The following KDM1B variants were observed in gnomAD, a reference collection of about 807,000 sequenced individuals.
KDM1B encodes lysine demethylase 1B.
Under a neutral mutation model 107.4 loss-of-function variants are expected in KDM1B, and 63 were observed. The observed-to-expected ratio is 0.59, with a 90% CI of 0.48 to 0.72. The LOEUF is 0.72. KDM1B is among the 30% of genes least tolerant of loss of function. The pLI is 0.00. For synonymous variants in KDM1B, 363 were observed against 363.9 expected (o/e 1.00, Z 0.03); for missense variants, 749 against 1,020.8 (o/e 0.73, Z 3.63).
chr6:18,181,970 C>T (rs74918432), intron 7 of KDM1B, among the ~76,000 whole-genome samples: 4,165 of 152,160 alleles, frequency 0.027, 90 homozygotes, highest in Non-Finnish European at 0.037. Flanking sequence ...TGTATTCCCT[C>T]CATTGTTTAC....
intron 21 of KDM1B, among the ~76,000 whole-genome samples, chr6:18,220,570 T>A (rs1291771361): frequency 6.6e-6 from 1 of 152,048 alleles, no homozygotes; most frequent in Non-Finnish European, 1.5e-5. Context: ...GAATGACATC[T>A]AAAAACCAGA....
At chr6:18,189,304 T>A (rs1018522159) in intron 9 of KDM1B, among the ~76,000 whole-genome samples, 3 of 152,172 alleles carry the variant, frequency 2.0e-5, no homozygotes, top group Non-Finnish European at 4.4e-5. Flanking sequence ...AAAGTGGTAA[T>A]TCCCAGGGTT....
intron 7 of KDM1B, among the ~76,000 whole-genome samples, chr6:18,175,497 A>T (rs546274311): frequency 6.6e-6 from 1 of 152,032 alleles, no homozygotes; most frequent in Non-Finnish European, 1.5e-5. Flanking sequence ...CCAGTTATTT[A>T]TCTTTGTTTT....
chr6:18,221,863 A>T, intron 21 of KDM1B, 46 bp from the exon 22 acceptor site: 2 of 1,431,456 alleles, frequency 1.4e-6, no homozygotes, highest in Non-Finnish European at 1.9e-6. Context: ...TTTGATATCA[A>T]CTCAACTCTA....
Position 18,159,936 on chromosome 6 carries a change from T to C in KDM1B, c.41T>C (p.Phe14Ser), listed in dbSNP as rs1278020464. The C allele has an allele frequency of 3.7e-6, 6 of 1,610,620 alleles. No homozygotes were observed. Among genetic ancestry groups the C allele is most frequent in the Non-Finnish European group, 5.1e-6 (6 of 1,178,888 alleles). Residue 14 changes from phenylalanine to serine, a missense_variant, in exon 3 of 22, where the codon TTT becomes TCT. Physicochemically the swap from Phe to Ser is radical, Grantham distance 155 (BLOSUM62 -2). Transcript: ENST00000650836. This position sits in a 1 kb window ranked among gnomAD's most constrained non-coding sequence, Gnocchi z 4.5. Reference protein sequence around the residue: ...PRGRTKKKASFDHSPDSLPLR... With the variant: ...PRGRTKKKASSDHSPDSLPLR... ...GGGAGGACAAAGAAAAAAGCATCTTTTGATCATTCTCCGGATAGCCTTCCT... is the reference window on the plus strand; with the variant it reads ...GGGAGGACAAAGAAAAAAGCATCTTCTGATCATTCTCCGGATAGCCTTCCT...
In KDM1B at chr6:18,205,446, T is replaced by G; in HGVS notation, c.1532-91T>G. On this transcript the variant is annotated intron_variant, in intron 14 of 21. Transcript: ENST00000650836. This position sits in a 1 kb window ranked among gnomAD's most constrained non-coding sequence, Gnocchi z 5.7. ...AAAAGACTTTGGAAGTTTTGGGTGT[T>G]GCTGGGTGACAGAGGTTGAAAGCAA... 7.7e-7 allele frequency: 1 copy of G among 1,302,560 alleles called. No homozygotes were observed. The highest frequency in any genetic ancestry group is 1.0e-6 in the Non-Finnish European group (1 of 959,090). 80.7% of individuals were successfully genotyped at this position (1,302,560 alleles called of 1,614,324 possible). A position where few individuals can be genotyped will look rare whatever the true frequency, so the allele number is the denominator to read the frequency against.
At chr6:18,217,037 G>T (rs1789289153) in intron 20 of KDM1B, among the ~76,000 whole-genome samples, 1 of 152,178 alleles carries the variant, frequency 6.6e-6, no homozygotes, top group Admixed American at 6.5e-5. Flanking sequence ...ATTCCAACCT[G>T]TGATCCTGAG....
In KDM1B at chr6:18,204,254, G is replaced by A. The variant is rs1050839562; in HGVS notation, c.1532-1283G>A. Among the ~76,000 whole-genome samples, 2 of 152,120 alleles carry A rather than the reference G, an allele frequency of 1.3e-5. No individual in the cohort carries two copies. Among genetic ancestry groups the A allele is most frequent in the African/African-American group, 4.8e-5 (2 of 41,418 alleles). ...AATCCCAGCACTTCGGGAGGCTGAG[G>A]TGGGTAGATTTCTTGAGCTCAGGAG... On this transcript the variant is annotated intron_variant, in intron 14 of 21. Coordinates refer to ENST00000650836, the MANE Select transcript of KDM1B (RefSeq NM_001364614.2). This position sits in a 1 kb window ranked among gnomAD's most constrained non-coding sequence, Gnocchi z 4.9.
At chr6:18,184,976 T>C (rs966992907) in intron 7 of KDM1B, among the ~76,000 whole-genome samples, 3 of 151,992 alleles carry the variant, frequency 2.0e-5, no homozygotes, top group African/African-American at 7.2e-5. Context: ...GCGATCCACC[T>C]GCCTTGACCT....
At chr6:18,187,460 C>G (rs115759672) in intron 8 of KDM1B, among the ~76,000 whole-genome samples, 2,509 of 152,182 alleles carry the variant, frequency 0.016, 38 homozygotes, top group Non-Finnish European at 0.024. Flanking sequence ...TCACATCAGA[C>G]TTAAACCTAG....
chr6:18,189,049 G>A (rs1787094341), intron 9 of KDM1B, among the ~76,000 whole-genome samples: 1 of 152,046 alleles, frequency 6.6e-6, no homozygotes, highest in South Asian at 2.1e-4. Flanking sequence ...CTCCCAAAGT[G>A]CTGGGATTAC....
chr6:18,189,018 A>C (rs1787090699), intron 9 of KDM1B, among the ~76,000 whole-genome samples: 1 of 151,982 alleles, frequency 6.6e-6, no homozygotes, highest in South Asian at 2.1e-4. Flanking sequence ...TTCTGACCTC[A>C]AGTGATCCGC....
intron 10 of KDM1B, among the ~76,000 whole-genome samples, chr6:18,196,361 G>A (rs1007395416): frequency 1.1e-4 from 16 of 152,144 alleles, no homozygotes; most frequent in African/African-American, 3.4e-4. Flanking sequence ...TTGCTGGATC[G>A]TATGGTAGTT....
chr6:18,196,314 T>C (rs918241123), intron 10 of KDM1B, among the ~76,000 whole-genome samples: 1 of 152,192 alleles, frequency 6.6e-6, no homozygotes, highest in African/African-American at 2.4e-5. Context: ...CTCTTTGACG[T>C]GCTGATTCAT....
In KDM1B at chr6:18,216,129, G is replaced by A. The variant is rs534547096; in HGVS notation, c.2232+1000G>A. Among the ~76,000 whole-genome samples, 3 of 152,186 alleles carry A rather than the reference G, an allele frequency of 2.0e-5. 1 individual carries two copies. The East Asian group carries it at 5.8e-4, about 29-fold the overall frequency. ...GAGTCTCACTCTTTCGCCCAGGCTG[G>A]AGTGCAGTGGCACAATCTTGGCTCA... is the stretch of plus-strand genomic sequence containing the variant. On this transcript the variant is annotated intron_variant, in intron 20 of 21. Coordinates refer to ENST00000650836, the MANE Select transcript of KDM1B (RefSeq NM_001364614.2).
At chr6:18,166,088 A>G (rs1456573474) in intron 5 of KDM1B, among the ~76,000 whole-genome samples, 179 bp from the exon 6 acceptor site, 2 of 152,202 alleles carry the variant, frequency 1.3e-5, no homozygotes, top group African/African-American at 4.8e-5. Flanking sequence ...AAAACTGACA[A>G]GAATATACCC....
chr6:18,183,019 T>G (rs1786580313), intron 7 of KDM1B, among the ~76,000 whole-genome samples: 1 of 152,190 alleles, frequency 6.6e-6, no homozygotes, highest in African/African-American at 2.4e-5. Flanking sequence ...CAAATGAAAT[T>G]TCTGTATCAA....
At chr6:18,156,478 T>C (rs1582061668) in intron 2 of KDM1B, among the ~76,000 whole-genome samples, 1 of 152,276 alleles carries the variant, frequency 6.6e-6, no homozygotes. Context: ...TTTGTGTTTT[T>C]AAATCTATTT....
At chr6:18,166,040 T>C (rs1377082969) in intron 5 of KDM1B, among the ~76,000 whole-genome samples, 4 of 152,088 alleles carry the variant, frequency 2.6e-5, no homozygotes, top group Non-Finnish European at 5.9e-5. Context: ...TTAATTTCTC[T>C]TTCAAATAAC....
Sources: allele counts gnomAD v4.1 joint callset (sites outside exome capture counted in the v4.1 genomes callset), GRCh38; gene constraint gnomAD v4.1.1; non-coding constraint Gnocchi (gnomAD v3.1); transcripts MANE v1.5; gene names NCBI Gene and HGNC (gene_info 2026-07-23, HGNC 2026-07-21).